Variants in AGBL2 observed in about 807,000 individuals in gnomAD.
AGBL2 encodes AGBL carboxypeptidase 2.
AGBL2 carries 87 observed loss-of-function variants against 103.0 expected under a neutral mutation model. The observed-to-expected ratio is 0.84, with a 90% confidence interval of 0.71 to 1.01. The LOEUF is 1.01. Ranked by LOEUF, AGBL2 falls within the 50% of genes least tolerant of loss-of-function variation. The pLI is 0.00. For missense variants in AGBL2, 904 were observed against 1,023.5 expected (o/e 0.88, Z 1.59); for synonymous variants, 335 against 356.7 (o/e 0.94, Z 0.69).
At chr11:47,677,977 T>A (rs1041743525) in intron 13 of AGBL2, among the ~76,000 whole-genome samples, 3 of 152,006 alleles carry the variant, frequency 2.0e-5, no homozygotes, top group Non-Finnish European at 4.4e-5. Context: ...TTTTTTATTT[T>A]TTTTTGAGAC....
intron 10 of AGBL2, among the ~76,000 whole-genome samples, chr11:47,689,585 G>A (rs750456287): frequency 2.6e-5 from 4 of 151,886 alleles, no homozygotes; most frequent in Admixed American, 6.6e-5. Context: ...GATTACAGCC[G>A]TGAGCCACCA....
Position 47,690,342 on chromosome 11 carries a change from C to A in AGBL2, c.1365G>T (p.Val455=). The change falls in exon 10 of 19, where the codon GTG becomes GTT. Residue 455 remains valine, a synonymous_variant. Coordinates refer to ENST00000525123, the MANE Select transcript of AGBL2 (RefSeq NM_024783.4). ...TPQEAAAKKA[V]VLSARVHPGE... ...CAGGGTGAACTCTGGCACTCAAGAC[C>A]ACAGCTTTCTTTGCAGCTGCCTCTT... is the stretch of plus-strand genomic sequence containing the variant. The A allele has an allele frequency of 6.2e-7, 1 of 1,613,920 alleles. No homozygotes were observed. Among genetic ancestry groups the A allele is most frequent in the Non-Finnish European group, 8.5e-7 (1 of 1,179,924 alleles).
intron 8 of AGBL2, among the ~76,000 whole-genome samples, chr11:47,697,831 T>C (rs1162235422): frequency 5.4e-5 from 8 of 148,030 alleles, no homozygotes; most frequent in Admixed American, 4.7e-4. Flanking sequence ...CAGGCGTGAG[T>C]CATCGCGCCC....
intron 7 of AGBL2, among the ~76,000 whole-genome samples, chr11:47,700,050 C>T (rs188913508): frequency 1.4e-3 from 210 of 152,076 alleles, no homozygotes; most frequent in African/African-American, 4.8e-3. Flanking sequence ...CTCCGCCTCC[C>T]GGGTTCAAGC....
chr11:47,675,361 C>T (rs1490386457), intron 14 of AGBL2, among the ~76,000 whole-genome samples: 8 of 148,486 alleles, frequency 5.4e-5, no homozygotes, highest in Admixed American at 1.4e-4. Flanking sequence ...GTGCATACCC[C>T]GACCCCCTGC....
intron 4 of AGBL2, among the ~76,000 whole-genome samples, chr11:47,706,890 CCAAAA>C (rs1274670521): frequency 3.8e-5 from 2 of 53,240 alleles, no homozygotes; most frequent in Non-Finnish European, 3.0e-5. Context: ...CTCTACTATT[CCAAAA>C]AAAAAAAAAA....
At position 47,660,093 on chromosome 11, in the gene AGBL2, T is replaced by TC. The variant is rs1403720952; in HGVS notation, c.*79dup. On this transcript the variant is annotated 3_prime_UTR_variant, in exon 19 of 19. Transcript: ENST00000525123. ...TACCACAAGTAAATGCAGTTCCCAGTCATACATCTCCCCCATTATAAAATG... is the reference window on the plus strand; with the variant it reads ...TACCACAAGTAAATGCAGTTCCCAGTCCATACATCTCCCCCATTATAAAATG... The TC allele has an allele frequency of 4.8e-6, 7 of 1,455,868 alleles. No homozygotes were observed. In the Admixed American group the frequency reaches 8.1e-5, roughly 17 times the overall value. 90.2% of individuals were successfully genotyped at this position (1,455,868 alleles called of 1,614,324 possible).
At chr11:47,680,938 TG>T (rs1486767876) in intron 12 of AGBL2, among the ~76,000 whole-genome samples, 2 of 152,218 alleles carry the variant, frequency 1.3e-5, no homozygotes, top group Non-Finnish European at 2.9e-5. Context: ...TTCTAATTAC[TG>T]GGGTTTTTAC....
chr11:47,703,951 A>C (rs1599076424), intron 7 of AGBL2, among the ~76,000 whole-genome samples: 2 of 150,662 alleles, frequency 1.3e-5, no homozygotes, highest in Admixed American at 6.6e-5. Context: ...CAAAAAAAAA[A>C]CTAGCCAGGC....
intron 10 of AGBL2, among the ~76,000 whole-genome samples, chr11:47,686,306 T>C (rs2097423368): frequency 6.6e-6 from 1 of 152,068 alleles, no homozygotes; most frequent in African/African-American, 2.4e-5. Context: ...TCTTGCCCTG[T>C]TGCTCAGGCT....
chr11:47,678,322 T>TTTA, intron 13 of AGBL2, among the ~76,000 whole-genome samples: 1 of 134,342 alleles, frequency 7.4e-6, no homozygotes, highest in Non-Finnish European at 1.7e-5. Context: ...TTTATTTTAT[T>TTTA]TTATTTTATT....
At chr11:47,661,907 C>G (rs557280996) in intron 18 of AGBL2, among the ~76,000 whole-genome samples, 15 of 151,994 alleles carry the variant, frequency 9.9e-5, no homozygotes, top group Admixed American at 5.9e-4. Flanking sequence ...TGCCACCACA[C>G]CTGGCTAATT....
intron 18 of AGBL2, among the ~76,000 whole-genome samples, chr11:47,660,664 C>T (rs1428992489): frequency 1.3e-5 from 2 of 152,004 alleles, no homozygotes; most frequent in African/African-American, 4.8e-5. Context: ...AGCAATTCTC[C>T]TGCCTCAGCC....
In AGBL2 at chr11:47,660,338, C is replaced by T; in HGVS notation, c.2544G>A (p.Lys848=). 1 of 1,605,484 alleles carries T rather than the reference C, an allele frequency of 6.2e-7. No individual in the cohort carries two copies. The highest frequency in any genetic ancestry group is 8.5e-7 in the Non-Finnish European group (1 of 1,177,658). ...PKNKGRMQNK[K]PGFTVSCSPK... ...GAGAGCATGATACTGTAAAGCCTGG[C>T]TTCTTATTCTGTGCAAATAAGATTT... Residue 848 remains lysine (K), a synonymous_variant, in exon 19 of 19, where the codon AAG becomes AAA. Transcript: ENST00000525123.
At chr11:47,696,021 AAAAAAAAAAAAAAAAG>A (rs1308461001) in intron 8 of AGBL2, among the ~76,000 whole-genome samples, 1 of 31,358 alleles carries the variant, frequency 3.2e-5, no homozygotes, top group Non-Finnish European at 5.7e-5. Context: ...AAAAAAAAAA[AAAAAAAAAAAAAAAAG>A]AAAAAAAAAA....
At chr11:47,706,879 T>G in intron 4 of AGBL2, among the ~76,000 whole-genome samples, 1 of 117,672 alleles carries the variant, frequency 8.5e-6, no homozygotes, top group Non-Finnish European at 1.7e-5. Flanking sequence ...TGAAACCCTG[T>G]CTCTACTATT....
intron 11 of AGBL2, among the ~76,000 whole-genome samples, chr11:47,685,128 T>C (rs1315809792): frequency 2.0e-5 from 3 of 151,952 alleles, no homozygotes; most frequent in African/African-American, 4.8e-5. Context: ...GAGAATTGCT[T>C]GAATCTGGGA....
intron 4 of AGBL2, among the ~76,000 whole-genome samples, chr11:47,707,223 A>AACAT (rs2153805375): frequency 6.6e-6 from 1 of 152,238 alleles, no homozygotes. Context: ...GGTGTAAGCA[A>AACAT]ACGTATAAGA....
At chr11:47,714,588 T>C (rs769918731) in intron 2 of AGBL2, 30 bp downstream of exon 2, 2 of 1,612,334 alleles carry the variant, frequency 1.2e-6, no homozygotes, top group Admixed American at 1.7e-5. Context: ...CCCGAAGAAA[T>C]TTCTGTGGCT....
Sources: allele counts gnomAD v4.1 joint callset (sites outside exome capture counted in the v4.1 genomes callset), GRCh38; gene constraint gnomAD v4.1.1; transcripts MANE v1.5; gene names NCBI Gene and HGNC (gene_info 2026-07-23, HGNC 2026-07-21).